The following BCL11A variants were observed in gnomAD, a reference collection of about 807,000 sequenced individuals.
BCL11A encodes the protein BCL11 transcription factor A.
Under a neutral mutation model 55.9 loss-of-function variants are expected in BCL11A, and 2 were observed. The observed-to-expected ratio is 0.04, with a 90% CI of 0.01 to 0.11. BCL11A has a LOEUF of 0.11. BCL11A is among the 10% of genes least tolerant of loss of function. The pLI is 1.00. For synonymous variants in BCL11A, 465 were observed against 473.4 expected, an observed-to-expected ratio of 0.98 and a Z score of 0.23; for missense variants, 817 against 1,137.1, an observed-to-expected ratio of 0.72 and a Z score of 4.05.
In BCL11A at chr2:60,503,749, C is replaced by T. The variant is rs568733749; in HGVS notation, c.386-34916G>A. Among the ~76,000 whole-genome samples the T allele has an allele frequency of 3.2e-4, 48 of 152,266 alleles. No homozygotes were observed. In the South Asian group the frequency reaches 8.1e-3, roughly 26 times the overall value. On this transcript the variant is annotated intron_variant, in intron 2 of 3. Transcript: ENST00000642384. ...ACATTTTGTGAGGACTAATTTAACC[C>T]GCCTAGAAGATTTAGGAGCCAAGAT... is the stretch of plus-strand genomic sequence containing the variant.
At chr2:60,469,652 A>G (rs1677090009) in intron 2 of BCL11A, among the ~76,000 whole-genome samples, 1 of 152,234 alleles carries the variant, frequency 6.6e-6, no homozygotes, top group Non-Finnish European at 1.5e-5. Context: ...GTGACTTCTC[A>G]CACTAATAAA....
chr2:60,458,995 T>C lies in BCL11A; in HGVS notation c.*1409A>G, dbSNP rs546686959. 1 of 1,029,748 alleles carries C rather than the reference T, an allele frequency of 9.7e-7. No homozygotes were observed. Among genetic ancestry groups the C allele is most frequent in the East Asian group, 6.1e-5 (1 of 16,416 alleles). The allele number at this position is 1,029,748 out of a possible 1,614,324, so 63.8% of individuals were successfully genotyped here. A position where few individuals can be genotyped will look rare whatever the true frequency, so the allele number is the denominator to read the frequency against. On this transcript the variant is annotated 3_prime_UTR_variant, in exon 4 of 4. Coordinates refer to ENST00000642384, the MANE Select transcript of BCL11A (RefSeq NM_022893.4). Reference sequence around the variant, plus strand: ...TATATACTGCTACTCTTAAAATTCTTTCTCTTCTTTTTTTAAGAATGTCAC... The same window carrying C: ...TATATACTGCTACTCTTAAAATTCTCTCTCTTCTTTTTTTAAGAATGTCAC...
intron 2 of BCL11A, among the ~76,000 whole-genome samples, chr2:60,480,508 G>A (rs575565650): frequency 6.6e-6 from 1 of 152,264 alleles, no homozygotes; most frequent in South Asian, 2.1e-4. Context: ...GCAGTGACCA[G>A]GGGAAACCTT....
rs1373908379 is a variant in BCL11A at position 60,461,246 on chromosome 2, G to C, written c.1666C>G (p.Gln556Glu). 6.2e-7 allele frequency: 1 copy of C among 1,609,326 alleles called. No individual in the cohort carries two copies. The highest frequency in any genetic ancestry group is 8.5e-7 in the Non-Finnish European group (1 of 1,179,760). Residue 556 changes from glutamine to glutamate, a missense_variant, in exon 4 of 4, where the codon CAG (glutamine) becomes GAG (glutamate). Gln to Glu is a conservative substitution (Grantham distance 29, BLOSUM62 2). Around this residue, in one of 4 missense-constraint regions of BCL11A, gnomAD observed 379 missense variants for 425.3 expected, o/e 0.89. Transcript: ENST00000642384. ...TGGTGGAAGGCCTCGCTGAAGTGCT[G>C]CATGGAGCTGAGCACCATGCCCTGC... is the stretch of plus-strand genomic sequence containing the variant. ...VMQGMVLSSM[Q>E]HFSEAFHQVL...
intron 2 of BCL11A, among the ~76,000 whole-genome samples, chr2:60,502,872 G>T (rs1231413849): frequency 6.6e-6 from 1 of 152,104 alleles, no homozygotes; most frequent in African/African-American, 2.4e-5. Context: ...GTCTCGAGTG[G>T]GTAAAATGAG....
chr2:60,465,056 T>G (rs1243157488), intron 3 of BCL11A, among the ~76,000 whole-genome samples: 3 of 152,234 alleles, frequency 2.0e-5, no homozygotes, highest in African/African-American at 7.2e-5. Context: ...GCTTTGAAAC[T>G]GGTAATTATT....
At chr2:60,548,485 A>T (rs1040323956) in intron 1 of BCL11A, among the ~76,000 whole-genome samples, 8 of 152,308 alleles carry the variant, frequency 5.3e-5, no homozygotes, top group African/African-American at 1.9e-4. Flanking sequence ...TAGTGACTGA[A>T]CTGATTTACA....
intron 2 of BCL11A, among the ~76,000 whole-genome samples, chr2:60,508,422 A>G (rs1679769307): frequency 6.6e-6 from 1 of 152,122 alleles, no homozygotes; most frequent in Admixed American, 6.6e-5. Flanking sequence ...CTTTTACCCA[A>G]ACAGGGGGTT....
At chr2:60,551,230 C>T (rs896387786) in intron 1 of BCL11A, among the ~76,000 whole-genome samples, 2 of 152,352 alleles carry the variant, frequency 1.3e-5, no homozygotes, top group African/African-American at 4.8e-5. Context: ...TTCCTAAGTG[C>T]CCACCGCCCG....
intron 3 of BCL11A, among the ~76,000 whole-genome samples, chr2:60,467,681 A>ATGG (rs1328408838): frequency 5.2e-5 from 2 of 38,182 alleles, no homozygotes; most frequent in Admixed American, 2.9e-4. Context: ...GGTGATGGTG[A>ATGG]TGGTGGTGGT....
intron 2 of BCL11A, chr2:60,528,384 C>T (rs1669301016): frequency 6.6e-6 from 1 of 152,466 alleles, no homozygotes; most frequent in Non-Finnish European, 1.5e-5. Flanking sequence ...TCAGGACCCT[C>T]ACTTGATTTC....
At chr2:60,551,025 G>A (rs150858626) in intron 1 of BCL11A, 1 of 397,496 alleles carries the variant, frequency 2.5e-6, no homozygotes, top group African/African-American at 2.1e-5. Flanking sequence ...AGCTTCCGAA[G>A]TGTGTGACAA....
chr2:60,531,325 T>C (rs1342526747), intron 2 of BCL11A, among the ~76,000 whole-genome samples: 1 of 152,192 alleles, frequency 6.6e-6, no homozygotes, highest in Non-Finnish European at 1.5e-5. Context: ...AATTAAATAC[T>C]GGGACTGCCC....
chr2:60,525,623 G>A (rs1420125824), intron 2 of BCL11A: 1 of 152,048 alleles, frequency 6.6e-6, no homozygotes, highest in African/African-American at 2.4e-5. Flanking sequence ...TGGGGACTTA[G>A]AGACCCACCC....
chr2:60,460,557 G>A lies in BCL11A; in HGVS notation c.2355C>T (p.Leu785=). Residue 785 remains leucine, a synonymous_variant, in exon 4 of 4, where the codon CTC becomes CTT. Transcript: ENST00000642384. ...CNYACAQSSK[L]TRHMKTHGQV... is the part of the protein sequence containing the mutation. Reference sequence around the variant, plus strand: ...GGCCATGCGTTTTCATGTGCCTGGTGAGCTTGCTACTCTGGGCACAGGCAT... The same window carrying A: ...GGCCATGCGTTTTCATGTGCCTGGTAAGCTTGCTACTCTGGGCACAGGCAT... 6.2e-7 allele frequency: 1 copy of A among 1,614,116 alleles called. No individual in the cohort carries two copies. The highest frequency in any genetic ancestry group is 8.5e-7 in the Non-Finnish European group (1 of 1,180,024).
At position 60,458,037 on chromosome 2, in the gene BCL11A, T is replaced by A; in HGVS notation, c.*2367A>T. ...AAATATACTGTGGCAGCCTGTCTTT[T>A]TTTTTTCCACTACCAAAAAAGGTAC... On this transcript the variant is annotated 3_prime_UTR_variant, in exon 4 of 4. Coordinates refer to ENST00000642384, the MANE Select transcript of BCL11A (RefSeq NM_022893.4). 4.8e-6 allele frequency: 5 copies of A among 1,036,066 alleles called. No individual in the cohort carries two copies. Among genetic ancestry groups the A allele is most frequent in the Non-Finnish European group, 5.8e-6 (5 of 860,466 alleles). The allele number at this position is 1,036,066 out of a possible 1,614,324, so 64.2% of individuals were successfully genotyped here. A position where few individuals can be genotyped will look rare whatever the true frequency, so the allele number is the denominator to read the frequency against.
At chr2:60,516,799 T>A (rs1054877819) in intron 2 of BCL11A, among the ~76,000 whole-genome samples, 15 of 152,278 alleles carry the variant, frequency 9.9e-5, no homozygotes, top group African/African-American at 3.4e-4. Context: ...AGTGCAGACA[T>A]AAGACTAAAG....
chr2:60,490,453 A>C (rs1459877292), intron 2 of BCL11A, among the ~76,000 whole-genome samples: 1 of 152,204 alleles, frequency 6.6e-6, no homozygotes, highest in Non-Finnish European at 1.5e-5. Flanking sequence ...ATTCTGCCCA[A>C]GTAAAAATCC....
At chr2:60,479,567 C>T (rs1280793307) in intron 2 of BCL11A, among the ~76,000 whole-genome samples, 1 of 152,320 alleles carries the variant, frequency 6.6e-6, no homozygotes, top group East Asian at 1.9e-4. Context: ...CCTCTGTCAC[C>T]GGCCCACAGA....
Sources: gnomAD v4.1 joint callset for allele counts (sites outside exome capture counted in the v4.1 genomes callset) on GRCh38, gnomAD v4.1.1 for gene constraint, gnomAD v4.1.1 regional missense constraint, MANE v1.5 for transcripts, NCBI Gene and HGNC (gene_info 2026-07-23, HGNC 2026-07-21) for gene names.